ZNF345: variants seen among roughly 807,000 people sequenced by gnomAD.
ZNF345 encodes zinc finger protein HZF10.
For synonymous variants in ZNF345, 166 were observed against 187.9 expected (o/e 0.88, Z 0.95); for missense variants, 527 against 589.9 (o/e 0.89, Z 1.10).
chr19:36,862,597 G>A (rs1274922057), intron 2 of ZNF345, among the ~76,000 whole-genome samples: 2 of 147,258 alleles, frequency 1.4e-5, no homozygotes, highest in African/African-American at 5.1e-5. Context: ...CTGGGAGGCA[G>A]AGGTTGCAGT....
intron 2 of ZNF345, among the ~76,000 whole-genome samples, chr19:36,862,620 T>C (rs1278343233): frequency 1.4e-5 from 2 of 138,164 alleles, no homozygotes; most frequent in East Asian, 4.2e-4. Context: ...GCCAAGATCA[T>C]GCCACTGCAT....
chr19:36,857,736 C>G (rs1054430260), intron 2 of ZNF345, among the ~76,000 whole-genome samples: 1 of 152,160 alleles, frequency 6.6e-6, no homozygotes, highest in African/African-American at 2.4e-5. Flanking sequence ...TACAAAATAG[C>G]ACTTAGAACA....
intron 2 of ZNF345, 90 bp from the exon 3 acceptor site, chr19:36,876,695 A>G (rs1020515850): frequency 1.2e-6 from 1 of 846,530 alleles, no homozygotes; most frequent in East Asian, 2.7e-5. Context: ...TGAAAATTAA[A>G]TTGTAGTTAA....
intron 2 of ZNF345, among the ~76,000 whole-genome samples, chr19:36,869,276 A>G (rs377611765): frequency 4.1e-4 from 62 of 152,246 alleles, no homozygotes; most frequent in African/African-American, 1.4e-3. Flanking sequence ...TATGAAAGAT[A>G]AGGATACAAA....
downstream of ZNF345, among the ~76,000 whole-genome samples, chr19:36,882,963 T>A (rs930630608): frequency 6.6e-6 from 1 of 152,180 alleles, no homozygotes; most frequent in African/African-American, 2.4e-5. Flanking sequence ...TTCAAGGTCT[T>A]CTGTTAATAT....
rs752558777 is a variant in ZNF345 at position 36,891,539 on chromosome 19, C to T, written c.47-1279C>T. 5 of 1,603,426 alleles carry T rather than the reference C, an allele frequency of 3.1e-6. No individual in the cohort carries two copies. In the East Asian group the frequency reaches 6.7e-5, roughly 21 times the overall value. ...TGGCGAATGAGGTCAGAGCGACTAC[C>T]AAAAGCCTTTCCACATTCCTTACAG... is the stretch of plus-strand genomic sequence containing the variant. On this transcript the variant is annotated intron_variant, in intron 3 of 3. Transcript: ENST00000526123.
At chr19:36,850,510 G>A (rs578114196), upstream of ZNF345, 2 of 152,406 alleles carry the variant, frequency 1.3e-5, no homozygotes, top group Admixed American at 6.5e-5. Context: ...AAATTACTAA[G>A]AGGAAGTTAA....
exon 4 of ZNF345, chr19:36,892,898 A>G: frequency 8.7e-7 from 1 of 1,155,364 alleles, no homozygotes. Context: ...CAAGGCCATC[A>G]GCATGCCCAG....
At chr19:36,865,366 C>G (rs999799709) in intron 2 of ZNF345, among the ~76,000 whole-genome samples, 4 of 152,166 alleles carry the variant, frequency 2.6e-5, no homozygotes, top group Non-Finnish European at 4.4e-5. Flanking sequence ...ACATAGTCTT[C>G]TAAGAGTTTT....
intron 2 of ZNF345, chr19:36,854,580 G>C (rs1415448215): frequency 1.3e-5 from 2 of 152,142 alleles, no homozygotes; most frequent in Non-Finnish European, 2.9e-5. Context: ...CCTGAGGAAA[G>C]ACAAAGCTAT....
At chr19:36,862,186 A>G (rs950520380) in intron 2 of ZNF345, among the ~76,000 whole-genome samples, 2 of 152,032 alleles carry the variant, frequency 1.3e-5, no homozygotes, top group Non-Finnish European at 2.9e-5. Flanking sequence ...TTGGACTGGG[A>G]GTACGTAATC....
At chr19:36,855,999 C>A (rs193195769) in intron 2 of ZNF345, among the ~76,000 whole-genome samples, 1 of 152,230 alleles carries the variant, frequency 6.6e-6, no homozygotes, top group Non-Finnish European at 1.5e-5. Context: ...ACCCATACCA[C>A]TTGTGAGTTT....
At position 36,879,272 on chromosome 19, in the gene ZNF345, A is replaced by T. The variant is rs1049667073; in HGVS notation, c.*975A>T. 1.2e-5 allele frequency: 2 copies of T among 167,100 alleles called. No homozygotes were observed. Among genetic ancestry groups the T allele is most frequent in the African/African-American group, 2.4e-5 (1 of 41,458 alleles). The allele number at this position is 167,100 out of a possible 1,614,324, so 10.4% of individuals were successfully genotyped here. A position where few individuals can be genotyped will look rare whatever the true frequency, so the allele number is the denominator to read the frequency against. Reference sequence around the variant, plus strand: ...TTGTTTACTTTCCTTTTATAAAATTATACTCTCCATTTTAGCAAAACAGCT... The same window carrying T: ...TTGTTTACTTTCCTTTTATAAAATTTTACTCTCCATTTTAGCAAAACAGCT... On this transcript the variant is annotated 3_prime_UTR_variant, in exon 3 of 3. Coordinates refer to ENST00000420450, the MANE Select transcript of ZNF345 (RefSeq NM_001242472.2).
chr19:36,877,346 G>A lies in ZNF345; in HGVS notation c.516G>A (p.Lys172=). The change falls in exon 3 of 3, where the codon AAG becomes AAA. Residue 172 remains lysine (K), a synonymous_variant. Coordinates refer to ENST00000420450, the MANE Select transcript of ZNF345 (RefSeq NM_001242472.2). ...ATCAGATCATTCACAGTGGTGAGAA[G>A]CCTTATGAGTGTAAGGAATGTGGGA... ...IRHQIIHSGE[K]PYECKECGKS... 1 of 1,613,504 alleles carries A rather than the reference G, an allele frequency of 6.2e-7. No individual in the cohort carries two copies. The highest frequency in any genetic ancestry group is 8.5e-7 in the Non-Finnish European group (1 of 1,179,888).
At chr19:36,891,293 T>C in intron 3 of ZNF345, 2 of 520,922 alleles carry the variant, frequency 3.8e-6, no homozygotes, top group Admixed American at 3.7e-5. Context: ...AGTTTAGATT[T>C]CCAGGCTCTA....
chr19:36,887,693 G>C (rs528834764), intron 3 of ZNF345, among the ~76,000 whole-genome samples: 233 of 152,246 alleles, frequency 1.5e-3, no homozygotes, highest in African/African-American at 5.5e-3. Flanking sequence ...GTAGAGCCCA[G>C]ACCACTGTTT....
At chr19:36,881,054 A>C (rs528466358), downstream of ZNF345, among the ~76,000 whole-genome samples, 7 of 152,350 alleles carry the variant, frequency 4.6e-5, no homozygotes, top group African/African-American at 1.7e-4. Flanking sequence ...ATCAATCACA[A>C]CCTAATGTTT....
intron 2 of ZNF345, among the ~76,000 whole-genome samples, chr19:36,867,867 T>C (rs1402433583): frequency 1.3e-5 from 2 of 152,176 alleles, no homozygotes; most frequent in East Asian, 1.9e-4. Flanking sequence ...GCCAGTCCTA[T>C]TGATTACTGT....
At chr19:36,856,254 T>C (rs10418176) in intron 2 of ZNF345, among the ~76,000 whole-genome samples, 23,074 of 152,178 alleles carry the variant, frequency 0.15, 1,913 homozygotes, top group Middle Eastern at 0.27. Flanking sequence ...AGAACCAGGA[T>C]TGTGACTTTC....
Sources: allele counts gnomAD v4.1 joint callset (sites outside exome capture counted in the v4.1 genomes callset), GRCh38; gene constraint gnomAD v4.1.1; transcripts MANE v1.5; gene names NCBI Gene and HGNC (gene_info 2026-07-23, HGNC 2026-07-21).